SLC25A48: variants seen among roughly 807,000 people sequenced by gnomAD.
SLC25A48 encodes the protein solute carrier family 25 member 48, also known as CTC-321K16.1.
SLC25A48 carries 29 observed loss-of-function variants against 32.2 expected under a neutral mutation model. The observed-to-expected ratio is 0.90, with a 90% CI of 0.67 to 1.23. The LOEUF is 1.23. Ranked by LOEUF, SLC25A48 falls within the 50% of genes most tolerant of loss-of-function variation. SLC25A48 has a pLI of 0.00. For missense variants in SLC25A48, 399 were observed against 422.7 expected, an observed-to-expected ratio of 0.94 and a Z score of 0.49; for synonymous variants, 164 against 172.3, an observed-to-expected ratio of 0.95 and a Z score of 0.38.
rs1406216617 is a variant in SLC25A48, at chr5:135,781,200, C to A, written c.-520-31323C>A. Among the ~76,000 whole-genome samples, 8 of 115,010 alleles carry A rather than the reference C, an allele frequency of 7.0e-5. 2 individuals carry two copies. The highest frequency in any genetic ancestry group is 4.3e-5 in the Non-Finnish European group (2 of 46,560). 75.5% of individuals were successfully genotyped at this position (115,010 alleles called of 152,430 possible). On this transcript the variant is annotated intron_variant, in intron 3 of 10. Coordinates refer to the SLC25A48 transcript ENST00000646290. The stretch of plus-strand genomic sequence containing the variant: ...ATGATATTGTTCCCAATATCACAGG[C>A]GATGTACACCCCCGCTGTGATATTG...
intron 1 of SLC25A48, among the ~76,000 whole-genome samples, chr5:135,604,418 A>G (rs949159168): frequency 3.3e-5 from 5 of 152,214 alleles, no homozygotes; most frequent in Non-Finnish European, 7.3e-5. Context: ...GTGCAGATAA[A>G]TCGAGCCTTT....
intron 3 of SLC25A48, among the ~76,000 whole-genome samples, chr5:135,798,414 G>A (rs541114959): frequency 6.6e-6 from 1 of 151,746 alleles, no homozygotes; most frequent in East Asian, 1.9e-4. Flanking sequence ...TTGTGATATT[G>A]TTTGTAATAT....
At chr5:135,750,164 A>G (rs1236082483) in intron 3 of SLC25A48, among the ~76,000 whole-genome samples, 1 of 152,226 alleles carries the variant, frequency 6.6e-6, no homozygotes, top group Non-Finnish European at 1.5e-5. Context: ...TTATCCCTGG[A>G]AAGGGCGTTG....
chr5:135,758,188 C>A (rs1342120983), intron 3 of SLC25A48, among the ~76,000 whole-genome samples: 1 of 150,434 alleles, frequency 6.6e-6, no homozygotes, highest in East Asian at 2.0e-4. Flanking sequence ...TGTAATATTT[C>A]CAGTGTTGTT....
At chr5:135,718,584 G>A (rs1481236266) in intron 3 of SLC25A48, among the ~76,000 whole-genome samples, 5 of 152,074 alleles carry the variant, frequency 3.3e-5, no homozygotes, top group East Asian at 1.9e-4. Flanking sequence ...GAATATAAAC[G>A]TGTTTTTTAT....
At chr5:135,882,983 A>C (rs1030942543) in intron 7 of SLC25A48, 1 of 950,986 alleles carries the variant, frequency 1.1e-6, no homozygotes, top group African/African-American at 1.8e-5. Flanking sequence ...CCAGTCTCCA[A>C]ATGGGTTGTT....
chr5:135,775,591 A>T (rs1346590165), intron 3 of SLC25A48, among the ~76,000 whole-genome samples: 1 of 151,518 alleles, frequency 6.6e-6, no homozygotes, highest in Admixed American at 6.6e-5. Flanking sequence ...GGGAAATAAT[A>T]GTAATCTTAA....
At chr5:135,686,523 C>T (rs933109577) in intron 3 of SLC25A48, among the ~76,000 whole-genome samples, 1 of 152,232 alleles carries the variant, frequency 6.6e-6, no homozygotes, top group South Asian at 2.1e-4. Context: ...TATGGTGGAG[C>T]CTTCCATGCT....
rs1318093604 is a variant in SLC25A48, at chr5:135,836,281, C to T, written c.46+1388C>T. 2.6e-5 allele frequency among the ~76,000 whole-genome samples: 4 copies of T among 151,930 alleles called. No individual in the cohort carries two copies. The East Asian group carries it at 5.8e-4, about 22-fold the overall frequency. ...AAGTAGGGGATTTTTGTGCTTTATT[C>T]TGGTCCTTACTTTGGTGATGTTATT... On this transcript the variant is annotated intron_variant, in intron 1 of 7. Coordinates refer to ENST00000681962, the MANE Select transcript of SLC25A48 (RefSeq NM_001349336.2).
intron 7 of SLC25A48, among the ~76,000 whole-genome samples, chr5:135,886,003 A>C (rs879266899): frequency 3.3e-5 from 5 of 152,166 alleles, no homozygotes; most frequent in Admixed American, 3.3e-4. Flanking sequence ...GATACACACC[A>C]AATTTAATAG....
intron 1 of SLC25A48, among the ~76,000 whole-genome samples, chr5:135,837,220 C>G (rs183807085): frequency 3.0e-4 from 45 of 152,154 alleles, no homozygotes; most frequent in African/African-American, 1.0e-3. Context: ...CACCTCCCCC[C>G]ACTACTGGGA....
intron 3 of SLC25A48, among the ~76,000 whole-genome samples, chr5:135,677,883 C>T (rs1458076917): frequency 6.6e-6 from 1 of 152,202 alleles, no homozygotes; most frequent in East Asian, 1.9e-4. Context: ...GAGAAGTCTG[C>T]TGTTAGTTTG....
At chr5:135,826,739 C>T (rs542564365) in intron 4 of SLC25A48, 6 of 152,132 alleles carry the variant, frequency 3.9e-5, no homozygotes, top group South Asian at 2.1e-4. Flanking sequence ...ATAGGGTGCC[C>T]GAGCTCACAC....
chr5:135,641,855 A>T (rs933888608), intron 3 of SLC25A48, among the ~76,000 whole-genome samples: 11 of 152,248 alleles, frequency 7.2e-5, no homozygotes, highest in African/African-American at 2.4e-4. Context: ...TGCTAGTCGC[A>T]GAGTGCTCAC....
At chr5:135,864,463 A>G (rs1464729395) in intron 4 of SLC25A48, among the ~76,000 whole-genome samples, 1 of 152,180 alleles carries the variant, frequency 6.6e-6, no homozygotes, top group African/African-American at 2.4e-5. Flanking sequence ...TTAAAGATGA[A>G]ACCTTATGTA....
intron 3 of SLC25A48, among the ~76,000 whole-genome samples, chr5:135,718,000 G>A (rs574120010): frequency 2.4e-4 from 36 of 147,084 alleles, no homozygotes; most frequent in African/African-American, 7.7e-4. Flanking sequence ...TTGTGGGCTT[G>A]AGACTCCTTT....
intron 2 of SLC25A48, among the ~76,000 whole-genome samples, chr5:135,630,887 C>T (rs1292801403): frequency 6.6e-6 from 1 of 152,028 alleles, no homozygotes; most frequent in East Asian, 1.9e-4. Context: ...CAGGCATGAG[C>T]CACCGTGCCT....
chr5:135,772,724 A>G (rs1481818973), intron 3 of SLC25A48, among the ~76,000 whole-genome samples: 1 of 151,580 alleles, frequency 6.6e-6, no homozygotes, highest in Admixed American at 6.6e-5. Flanking sequence ...GGATAATATT[A>G]CTCTCAATAT....
At position 135,779,750 on chromosome 5, in the gene SLC25A48, AC is replaced by A. The variant is rs1278313087; in HGVS notation, c.-520-32768del. On this transcript the variant is annotated intron_variant, in intron 3 of 10. Coordinates refer to the SLC25A48 transcript ENST00000646290. ...AATCCCAATATCTCAGGGGTTCTAC[AC>A]CCCCTTTGTAATACTGGTCTTAATA... is the stretch of plus-strand genomic sequence containing the variant. Among the ~76,000 whole-genome samples the A allele has an allele frequency of 5.1e-5, 6 of 117,114 alleles. 1 individual carries two copies. Among genetic ancestry groups the A allele is most frequent in the African/African-American group, 1.6e-4 (6 of 38,544 alleles). 76.8% of individuals were successfully genotyped at this position (117,114 alleles called of 152,430 possible). A position where few individuals can be genotyped will look rare whatever the true frequency, so the allele number is the denominator to read the frequency against.
Sources: gnomAD v4.1 joint callset for allele counts (sites outside exome capture counted in the v4.1 genomes callset) on GRCh38, gnomAD v4.1.1 for gene constraint, MANE v1.5 for transcripts, NCBI Gene and HGNC (gene_info 2026-07-23, HGNC 2026-07-21) for gene names.